LSM14A: variants seen among roughly 807,000 people sequenced by gnomAD.
LSM14A encodes protein LSM14 homolog A.
In LSM14A, 14 loss-of-function variants were observed where a neutral mutation model predicts 52.4. The observed-to-expected ratio is 0.27, with a 90% CI of 0.18 to 0.42. The LOEUF is 0.42. Among genes scored for constraint, LSM14A ranks in the 10% least tolerant of loss-of-function variants. The pLI, the probability that LSM14A is intolerant of heterozygous loss-of-function variation, is 1.00. For synonymous variants in LSM14A, 185 were observed against 200.3 expected, an observed-to-expected ratio of 0.92 and a Z score of 0.64; for missense variants, 417 against 581.8, an observed-to-expected ratio of 0.72 and a Z score of 2.91.
chr19:34,204,100 A>T (rs867067381), intron 3 of LSM14A, among the ~76,000 whole-genome samples: 2 of 152,160 alleles, frequency 1.3e-5, no homozygotes, highest in South Asian at 2.1e-4. Flanking sequence ...GTTCTTCGTA[A>T]AGATAAGGAT....
chr19:34,208,625 G>C (rs543665307), intron 3 of LSM14A: 1 of 209,236 alleles, frequency 4.8e-6, no homozygotes, highest in Non-Finnish European at 9.4e-6. Flanking sequence ...TACTTCTCTA[G>C]TTGGTATGGG....
chr19:34,212,759 A>G (rs746711694), intron 4 of LSM14A, among the ~76,000 whole-genome samples: 4 of 152,158 alleles, frequency 2.6e-5, no homozygotes, highest in Non-Finnish European at 5.9e-5. Flanking sequence ...TTATAACAAA[A>G]CTGGCATCAT....
intron 2 of LSM14A, chr19:34,195,401 C>T (rs938233661): frequency 5.9e-5 from 9 of 152,162 alleles, no homozygotes; most frequent in African/African-American, 1.9e-4. Flanking sequence ...TGGTCTCAAA[C>T]TACTGACCTC....
chr19:34,205,776 T>C (rs2071653096), intron 3 of LSM14A, among the ~76,000 whole-genome samples: 2 of 151,932 alleles, frequency 1.3e-5, no homozygotes, highest in Admixed American at 1.3e-4. Flanking sequence ...AATAAAAAGA[T>C]AAGAGCAGAA....
At chr19:34,176,108 C>A (rs533447960) in intron 1 of LSM14A, among the ~76,000 whole-genome samples, 2 of 152,252 alleles carry the variant, frequency 1.3e-5, no homozygotes, top group African/African-American at 4.8e-5. Flanking sequence ...CCTTGGCCTC[C>A]CAAAGTGCTG....
intron 4 of LSM14A, among the ~76,000 whole-genome samples, chr19:34,210,714 A>G (rs994429992): frequency 6.6e-6 from 1 of 151,590 alleles, no homozygotes; most frequent in African/African-American, 2.4e-5. Flanking sequence ...CATCCTCCCA[A>G]TTAGCTGAGA....
intron 1 of LSM14A, among the ~76,000 whole-genome samples, chr19:34,182,549 A>G (rs764205223): frequency 2.0e-5 from 3 of 151,938 alleles, no homozygotes; most frequent in South Asian, 2.1e-4. Context: ...CTGAAGAGTC[A>G]ACTCTCGGCC....
intron 8 of LSM14A, chr19:34,221,262 T>G: frequency 2.1e-6 from 1 of 477,876 alleles, no homozygotes; most frequent in South Asian, 3.3e-5. Flanking sequence ...TTTGTATTTT[T>G]GGTAGAGAAT....
intron 6 of LSM14A, 76 bp from the exon 7 acceptor site, chr19:34,219,315 A>C (rs2072897073): frequency 1.1e-6 from 1 of 898,046 alleles, no homozygotes; most frequent in South Asian, 2.1e-5. Context: ...GAATCTAAAG[A>C]GCACAATAGC....
chr19:34,190,849 T>C (rs1360952107), intron 1 of LSM14A, among the ~76,000 whole-genome samples: 2 of 152,180 alleles, frequency 1.3e-5, no homozygotes, highest in Non-Finnish European at 2.9e-5. Flanking sequence ...TACCAAAGCA[T>C]AAGTCTCTGT....
Position 34,209,098 on chromosome 19 carries a change from T to C in LSM14A, c.538+47T>C, listed in dbSNP as rs75618556. ...ATATTTCCATTCTAAACTTTTATAG[T>C]GGTTTTTGTCTTTCTGAATGTAAGA... On this transcript the variant is annotated intron_variant, in intron 4 of 9. Transcript: ENST00000544216. 1.8e-3 allele frequency: 2,666 copies of C among 1,487,014 alleles called. 45 individuals are homozygous for C. In the African/African-American group the frequency reaches 0.034, roughly 19 times the overall value. 92.1% of individuals were successfully genotyped at this position (1,487,014 alleles called of 1,614,324 possible). A position where few individuals can be genotyped will look rare whatever the true frequency, so the allele number is the denominator to read the frequency against.
At chr19:34,221,793 A>G in intron 9 of LSM14A, 55 bp downstream of exon 9, 2 of 1,555,266 alleles carry the variant, frequency 1.3e-6, no homozygotes, top group South Asian at 1.2e-5. Context: ...TACAAGACTC[A>G]AAACATTTTT....
chr19:34,205,487 C>CAAAAA (rs140536208), intron 3 of LSM14A, among the ~76,000 whole-genome samples: 68 of 95,202 alleles, frequency 7.1e-4, no homozygotes, highest in East Asian at 2.1e-3. Flanking sequence ...CTCCATCTCA[C>CAAAAA]AAAAAAAAAA....
intron 3 of LSM14A, 89 bp downstream of exon 3, chr19:34,196,852 A>C: frequency 9.9e-6 from 11 of 1,108,626 alleles, no homozygotes; most frequent in Non-Finnish European, 1.4e-5. Flanking sequence ...AACTATTAGA[A>C]ATGTTGTTTG....
intron 3 of LSM14A, among the ~76,000 whole-genome samples, chr19:34,198,230 C>T (rs1293763673): frequency 6.6e-6 from 1 of 152,140 alleles, no homozygotes; most frequent in Non-Finnish European, 1.5e-5. Context: ...TAAATTCCTT[C>T]CTGTGAATAT....
chr19:34,203,451 A>G (rs930573942), intron 3 of LSM14A, among the ~76,000 whole-genome samples: 3 of 152,182 alleles, frequency 2.0e-5, no homozygotes, highest in Admixed American at 1.3e-4. Context: ...CGAACTTTAC[A>G]GTTAGCATAA....
intron 1 of LSM14A, among the ~76,000 whole-genome samples, chr19:34,181,467 A>G (rs1476601024): frequency 2.0e-5 from 3 of 152,226 alleles, no homozygotes; most frequent in East Asian, 3.8e-4. Context: ...AAAATTACCA[A>G]AGATTTCCAT....
chr19:34,218,150 T>C lies in LSM14A; in HGVS notation c.782-1241T>C, dbSNP rs142131344. On this transcript the variant is annotated intron_variant, in intron 6 of 9. Transcript: ENST00000544216. Reference sequence around the variant, plus strand: ...TCCTGGGTAGGTGGGATTACAGGCATACGCCACCACGCCTGGCTAATGTTT... The same window carrying C: ...TCCTGGGTAGGTGGGATTACAGGCACACGCCACCACGCCTGGCTAATGTTT... Among the ~76,000 whole-genome samples, 41 of 152,138 alleles carry C rather than the reference T, an allele frequency of 2.7e-4. 1 individual carries two copies. In the East Asian group the frequency reaches 6.8e-3, roughly 25 times the overall value.
intron 7 of LSM14A, 43 bp from the exon 8 acceptor site, chr19:34,219,663 G>T (rs145856929): frequency 6.3e-7 from 1 of 1,582,288 alleles, no homozygotes; most frequent in Admixed American, 1.8e-5. Context: ...ATGTAATTCA[G>T]ATTAGCTGTC....
Sources: gnomAD v4.1 joint callset for allele counts (sites outside exome capture counted in the v4.1 genomes callset) on GRCh38, gnomAD v4.1.1 for gene constraint, MANE v1.5 for transcripts, NCBI Gene and HGNC (gene_info 2026-07-23, HGNC 2026-07-21) for gene names.